Variants in SORCS3 observed in about 807,000 individuals in gnomAD.
SORCS3 encodes VPS10 domain-containing receptor SorCS3.
In SORCS3, 57 loss-of-function variants were observed where a neutral mutation model predicts 146.3. The observed-to-expected ratio is 0.39, with a 90% CI of 0.31 to 0.49. The LOEUF is 0.49. SORCS3 is among the 20% of genes least tolerant of loss of function. SORCS3 has a pLI of 0.92. For missense variants in SORCS3, 1,341 were observed against 1,575.5 expected, an observed-to-expected ratio of 0.85 and a Z score of 2.52; for synonymous variants, 653 against 618.5, an observed-to-expected ratio of 1.06 and a Z score of -0.83.
At chr10:104,854,169 T>C (rs1039565036) in intron 2 of SORCS3, among the ~76,000 whole-genome samples, 2 of 152,204 alleles carry the variant, frequency 1.3e-5, no homozygotes, top group Admixed American at 6.5e-5. Context: ...TGTACAAAGT[T>C]TTAACAGTAG....
intron 25 of SORCS3, among the ~76,000 whole-genome samples, chr10:105,257,777 G>A (rs1425148368): frequency 1.3e-5 from 2 of 152,024 alleles, no homozygotes; most frequent in Admixed American, 6.6e-5. Context: ...TAGGTGCTAC[G>A]AACTAAGTAA....
intron 14 of SORCS3, among the ~76,000 whole-genome samples, chr10:105,194,892 C>T (rs1371097480): frequency 6.6e-6 from 1 of 152,094 alleles, no homozygotes; most frequent in Non-Finnish European, 1.5e-5. Flanking sequence ...CTCAAATGTA[C>T]TAATAAGAAA....
chr10:104,696,093 A>ATATAATATATATCATATACACATATT (rs755039152), intron 1 of SORCS3, among the ~76,000 whole-genome samples: 4 of 17,788 alleles, frequency 2.2e-4, no homozygotes, highest in African/African-American at 3.5e-4. Flanking sequence ...ACACATATAT[A>ATATAATATATATCATATACACATATT]ATATATCATA....
chr10:105,224,412 T>C (rs75303264), intron 20 of SORCS3, among the ~76,000 whole-genome samples: 2,040 of 152,334 alleles, frequency 0.013, 57 homozygotes, highest in South Asian at 0.048. Context: ...TTTCGTGTCT[T>C]GATAGCTCAT....
At chr10:105,032,242 G>C (rs1380620530) in intron 4 of SORCS3, among the ~76,000 whole-genome samples, 1 of 152,174 alleles carries the variant, frequency 6.6e-6, no homozygotes, top group Non-Finnish European at 1.5e-5. Context: ...AGGATTTTGG[G>C]ATGAGCGTTG....
chr10:104,811,742 G>A (rs2017742979), intron 1 of SORCS3, among the ~76,000 whole-genome samples: 2 of 152,316 alleles, frequency 1.3e-5, no homozygotes, highest in South Asian at 4.2e-4. Context: ...GCGGTGCAGG[G>A]CAGATGATGG....
intron 3 of SORCS3, among the ~76,000 whole-genome samples, chr10:104,965,498 G>T (rs192056092): frequency 1.7e-4 from 26 of 152,290 alleles, no homozygotes; most frequent in Admixed American, 1.6e-3. Context: ...CCACCATACT[G>T]TTTTCTGTAG....
chr10:104,887,621 C>T (rs919752613), intron 2 of SORCS3, among the ~76,000 whole-genome samples: 21 of 152,066 alleles, frequency 1.4e-4, no homozygotes, highest in African/African-American at 5.1e-4. Context: ...GGGTGCTCAC[C>T]CTGCGATCTT....
At chr10:105,092,640 T>A (rs1160331471) in intron 6 of SORCS3, among the ~76,000 whole-genome samples, 1 of 115,150 alleles carries the variant, frequency 8.7e-6, no homozygotes, top group Non-Finnish European at 2.0e-5. Flanking sequence ...CACACACACA[T>A]CTCTACCATC....
intron 2 of SORCS3, among the ~76,000 whole-genome samples, chr10:104,843,817 C>G (rs535649657): frequency 3.4e-4 from 52 of 152,344 alleles, no homozygotes; most frequent in Non-Finnish European, 5.7e-4. Flanking sequence ...GCTTCACCCT[C>G]TCTGCTAGGT....
Position 104,842,848 on chromosome 10 carries a change from T to C in SORCS3, c.684T>C (p.Ser228=), listed in dbSNP as rs766117071. 1 of 1,613,778 alleles carries C rather than the reference T, an allele frequency of 6.2e-7. No homozygotes were observed. The part of the protein sequence containing the change: ...YDFNLGSVTE[S]SLWRSTDYGT... Reference sequence around the variant, plus strand: ...TCAACCTGGGCAGCGTGACTGAGAGTTCACTATGGAGGTAAGCAGATTAGA... The same window carrying C: ...TCAACCTGGGCAGCGTGACTGAGAGCTCACTATGGAGGTAAGCAGATTAGA... Residue 228 remains serine (S), a synonymous_variant, in exon 2 of 27, where the codon AGT becomes AGC. Coordinates refer to ENST00000369701, the MANE Select transcript of SORCS3 (RefSeq NM_014978.3).
intron 1 of SORCS3, among the ~76,000 whole-genome samples, chr10:104,790,271 G>C (rs979199250): frequency 7.2e-5 from 11 of 152,182 alleles, no homozygotes; most frequent in African/African-American, 2.2e-4. Context: ...AAGAAAGGAA[G>C]AACATTAACA....
chr10:105,021,888 C>T (rs1287554385), intron 4 of SORCS3, among the ~76,000 whole-genome samples: 1 of 152,150 alleles, frequency 6.6e-6, no homozygotes, highest in African/African-American at 2.4e-5. Flanking sequence ...AGCAGTTCTT[C>T]CATGGAAAGA....
intron 20 of SORCS3, among the ~76,000 whole-genome samples, chr10:105,227,565 G>T (rs984785906): frequency 6.6e-6 from 1 of 152,014 alleles, no homozygotes; most frequent in South Asian, 2.1e-4. Context: ...AGGTCCATTT[G>T]GTCTAATGTG....
chr10:105,197,641 G>A (rs1461954911), intron 14 of SORCS3, among the ~76,000 whole-genome samples: 1 of 152,172 alleles, frequency 6.6e-6, no homozygotes, highest in Non-Finnish European at 1.5e-5. Context: ...ATTGTGTGTG[G>A]AAACTCTTAA....
intron 1 of SORCS3, among the ~76,000 whole-genome samples, chr10:104,732,729 C>G (rs368952610): frequency 3.3e-4 from 50 of 152,300 alleles, no homozygotes; most frequent in African/African-American, 1.1e-3. Context: ...AAAAAAATCA[C>G]CATGCTAACA....
chr10:105,198,099 A>G (rs1262926570), intron 14 of SORCS3, among the ~76,000 whole-genome samples: 1 of 152,188 alleles, frequency 6.6e-6, no homozygotes, highest in Non-Finnish European at 1.5e-5. Flanking sequence ...CCCTGTTCAA[A>G]TGCCATGCTG....
intron 2 of SORCS3, among the ~76,000 whole-genome samples, chr10:104,849,169 G>T (rs1343142414): frequency 6.6e-6 from 1 of 152,124 alleles, no homozygotes; most frequent in African/African-American, 2.4e-5. Flanking sequence ...CCAGCACTTT[G>T]GGAGGCTCAG....
At chr10:105,115,854 A>C (rs181090564) in intron 7 of SORCS3, among the ~76,000 whole-genome samples, 7 of 152,316 alleles carry the variant, frequency 4.6e-5, no homozygotes, top group South Asian at 2.1e-4. Context: ...TCTTAATGGG[A>C]GAGATTTTGA....
Sources: gnomAD v4.1 joint callset for allele counts (sites outside exome capture counted in the v4.1 genomes callset) on GRCh38, gnomAD v4.1.1 for gene constraint, MANE v1.5 for transcripts, NCBI Gene and HGNC (gene_info 2026-07-23, HGNC 2026-07-21) for gene names.